GSK3B: variants seen among roughly 807,000 people sequenced by gnomAD.
The protein encoded by GSK3B is glycogen synthase kinase 3 beta.
Under a neutral mutation model 56.4 loss-of-function variants are expected in GSK3B, and 15 were observed. The observed-to-expected ratio is 0.27, with a 90% CI of 0.18 to 0.41. The LOEUF (loss-of-function observed/expected upper bound fraction) is 0.41. GSK3B is among the 10% of genes least tolerant of loss of function. The probability of loss-of-function intolerance (pLI) is 1.00; values close to 1 mark genes in which losing one functional copy is unlikely to be tolerated. For synonymous variants in GSK3B, 181 were observed against 188.9 expected, an observed-to-expected ratio of 0.96 and a Z score of 0.34; for missense variants, 300 against 513.4, an observed-to-expected ratio of 0.58 and a Z score of 4.02.
intron 1 of GSK3B, 105 bp from the exon 2 acceptor site, chr3:120,002,344 A>ATT (rs200371314): frequency 1.1e-3 from 509 of 450,898 alleles, no homozygotes; most frequent in Non-Finnish European, 1.5e-3. Context: ...TTTTTATTTT[A>ATT]TTTTTTTTTT....
chr3:119,987,191 C>A (rs146132420), intron 2 of GSK3B, among the ~76,000 whole-genome samples: 1 of 151,976 alleles, frequency 6.6e-6, no homozygotes, highest in East Asian at 1.9e-4. Flanking sequence ...TGAGGGACTG[C>A]GGGGAGGGAT....
intron 10 of GSK3B, among the ~76,000 whole-genome samples, chr3:119,833,687 GTTGTT>G (rs1184419766): frequency 7.5e-6 from 1 of 133,448 alleles, no homozygotes; most frequent in African/African-American, 2.9e-5. Flanking sequence ...GAAACATTAG[GTTGTT>G]TTTTTTTTTT....
chr3:120,077,664 G>C (rs1041989709), intron 1 of GSK3B, among the ~76,000 whole-genome samples: 2 of 151,464 alleles, frequency 1.3e-5, no homozygotes, highest in Non-Finnish European at 2.9e-5. Flanking sequence ...CGAGGGAGAG[G>C]GGGTGGGTAA....
chr3:119,836,399 ATAATAAAAATCC>A (rs1478431859), intron 10 of GSK3B, among the ~76,000 whole-genome samples: 2 of 152,186 alleles, frequency 1.3e-5, no homozygotes, highest in Non-Finnish European at 2.9e-5. Flanking sequence ...TTGAAAAGAT[ATAATAAAAATCC>A]TAATAAATAA....
chr3:120,057,211 A>G (rs1238154833), intron 1 of GSK3B, among the ~76,000 whole-genome samples: 2 of 152,214 alleles, frequency 1.3e-5, no homozygotes, highest in African/African-American at 4.8e-5. Flanking sequence ...TGTAAAAATT[A>G]AAAGTGGTTA....
At chr3:119,946,539 C>T (rs1215946117) in intron 3 of GSK3B, among the ~76,000 whole-genome samples, 1 of 152,122 alleles carries the variant, frequency 6.6e-6, no homozygotes, top group East Asian at 1.9e-4. Context: ...TGATTTGTTA[C>T]CTGCCCTGCG....
chr3:119,890,704 T>C (rs2056491979), intron 7 of GSK3B, among the ~76,000 whole-genome samples: 1 of 150,936 alleles, frequency 6.6e-6, no homozygotes, highest in African/African-American at 2.4e-5. Flanking sequence ...CTATATTTTA[T>C]TACATATAAA....
intron 3 of GSK3B, among the ~76,000 whole-genome samples, chr3:119,931,729 C>G (rs1322262266): frequency 6.6e-6 from 1 of 152,066 alleles, no homozygotes; most frequent in Non-Finnish European, 1.5e-5. Context: ...GTCTGCTAAC[C>G]TCAAATAACT....
chr3:119,854,417 G>A (rs1214202313), intron 9 of GSK3B, among the ~76,000 whole-genome samples: 1 of 152,156 alleles, frequency 6.6e-6, no homozygotes, highest in African/African-American at 2.4e-5. Flanking sequence ...TTGGTATCAG[G>A]ATGATGCTGG....
chr3:119,833,749 G>A (rs1482683700), intron 10 of GSK3B, among the ~76,000 whole-genome samples: 2 of 141,686 alleles, frequency 1.4e-5, no homozygotes, highest in African/African-American at 2.7e-5. Flanking sequence ...AGGCTGGAGT[G>A]CAGTGGCGCA....
intron 1 of GSK3B, among the ~76,000 whole-genome samples, chr3:120,089,412 T>C (rs1248577244): frequency 6.6e-6 from 1 of 152,196 alleles, no homozygotes; most frequent in Non-Finnish European, 1.5e-5. Flanking sequence ...TAACACAGGA[T>C]TATCAAGAAA....
chr3:120,020,083 C>T (rs1379531498), intron 1 of GSK3B, among the ~76,000 whole-genome samples: 1 of 152,166 alleles, frequency 6.6e-6, no homozygotes, highest in Non-Finnish European at 1.5e-5. Context: ...GGAGATATGC[C>T]TAAAATATTA....
intron 1 of GSK3B, among the ~76,000 whole-genome samples, chr3:120,034,335 G>A (rs557833751): frequency 1.2e-4 from 19 of 152,154 alleles, no homozygotes; most frequent in Non-Finnish European, 2.6e-4. Context: ...TCTCCTAGGA[G>A]TTTTAGCTCC....
At chr3:119,884,401 G>A (rs1413295159) in intron 7 of GSK3B, among the ~76,000 whole-genome samples, 1 of 152,104 alleles carries the variant, frequency 6.6e-6, no homozygotes, top group Non-Finnish European at 1.5e-5. Flanking sequence ...GAGAGAGAGA[G>A]GAGAGAACAA....
intron 1 of GSK3B, among the ~76,000 whole-genome samples, chr3:120,038,107 G>T (rs2058037210): frequency 6.6e-6 from 1 of 152,140 alleles, no homozygotes; most frequent in African/African-American, 2.4e-5. Context: ...CAATGTCACA[G>T]CAAGTAAATA....
intron 3 of GSK3B, among the ~76,000 whole-genome samples, chr3:119,927,897 G>C (rs927260859): frequency 5.3e-5 from 8 of 152,154 alleles, no homozygotes; most frequent in Admixed American, 1.3e-4. Context: ...GATTAGCATC[G>C]ACAATTCAAA....
At chr3:119,982,093 C>G (rs2057468578) in intron 2 of GSK3B, among the ~76,000 whole-genome samples, 1 of 152,156 alleles carries the variant, frequency 6.6e-6, no homozygotes, top group Non-Finnish European at 1.5e-5. Context: ...AGTGGAACTC[C>G]AGCAAACTCC....
At chr3:120,040,316 T>A (rs959861213) in intron 1 of GSK3B, among the ~76,000 whole-genome samples, 36 of 152,178 alleles carry the variant, frequency 2.4e-4, no homozygotes, top group African/African-American at 7.0e-4. Flanking sequence ...CCTTTGGGGA[T>A]CCTGTCAGGA....
At chr3:120,090,390 T>C (rs752823608) in intron 1 of GSK3B, among the ~76,000 whole-genome samples, 1 of 152,202 alleles carries the variant, frequency 6.6e-6, no homozygotes, top group Non-Finnish European at 1.5e-5. Context: ...AACTAACTGC[T>C]GTCTGAATTT....
Sources: allele counts gnomAD v4.1 joint callset (sites outside exome capture counted in the v4.1 genomes callset), GRCh38; gene constraint gnomAD v4.1.1; transcripts MANE v1.5; gene names NCBI Gene and HGNC (gene_info 2026-07-23, HGNC 2026-07-21).